The following EPHA6 variants were observed in gnomAD, a reference collection of about 807,000 sequenced individuals.
EPHA6 encodes the protein EPH receptor A6.
In EPHA6, 50 loss-of-function variants were observed where a neutral mutation model predicts 112.0. The observed-to-expected ratio is 0.45, with a 90% CI of 0.36 to 0.56. The LOEUF (loss-of-function observed/expected upper bound fraction) is 0.56. EPHA6 is among the 20% of genes least tolerant of loss of function. The pLI is 0.00. For missense variants in EPHA6, 1,280 were observed against 1,417.4 expected (o/e 0.90, Z 1.56); for synonymous variants, 529 against 490.7 (o/e 1.08, Z -1.03).
intron 2 of EPHA6, among the ~76,000 whole-genome samples, chr3:96,941,153 T>C (rs533635223): frequency 5.5e-4 from 84 of 152,356 alleles, no homozygotes; most frequent in Middle Eastern, 3.4e-3. Flanking sequence ...CCTGCCTTGC[T>C]ATATTTGGGA....
At chr3:97,393,881 C>A (rs915461641) in intron 5 of EPHA6, among the ~76,000 whole-genome samples, 2 of 151,688 alleles carry the variant, frequency 1.3e-5, no homozygotes, top group Admixed American at 1.3e-4. Context: ...TAGGTTCATG[C>A]ATGTTGTCAC....
In EPHA6 at chr3:97,716,306, C is replaced by T. The variant is rs1053980491; in HGVS notation, c.2785-3955C>T. Among the ~76,000 whole-genome samples the T allele has an allele frequency of 1.1e-4, 14 of 125,280 alleles. 2 individuals carry two copies. The highest frequency in any genetic ancestry group is 1.7e-4 in the Non-Finnish European group (11 of 66,288). 82.2% of individuals were successfully genotyped at this position (125,280 alleles called of 152,430 possible). A position where few individuals can be genotyped will look rare whatever the true frequency, so the allele number is the denominator to read the frequency against. The stretch of plus-strand genomic sequence containing the variant: ...AAGATGGGCCGGGCGCGGTGGCTCA[C>T]GCCTGTAATCCCAGCACTTTGGGAG... On this transcript the variant is annotated intron_variant, in intron 14 of 17. Coordinates refer to ENST00000389672, the MANE Select transcript of EPHA6 (RefSeq NM_001080448.3).
intron 14 of EPHA6, among the ~76,000 whole-genome samples, chr3:97,680,553 C>T (rs2031781339): frequency 6.6e-6 from 1 of 152,154 alleles, no homozygotes; most frequent in African/African-American, 2.4e-5. Flanking sequence ...AAGTGAAAAA[C>T]AGTTGAGTTT....
At chr3:97,481,526 C>A in intron 9 of EPHA6, 1 of 888,784 alleles carries the variant, frequency 1.1e-6, no homozygotes, top group South Asian at 1.3e-5. Context: ...GGGCTAAGTG[C>A]AGGCCCGGGG....
chr3:96,984,466 G>C (rs1256334309), intron 2 of EPHA6, among the ~76,000 whole-genome samples: 1 of 152,144 alleles, frequency 6.6e-6, no homozygotes. Context: ...TGCCCCTACT[G>C]GGGGGTGCCT....
chr3:97,505,317 C>A (rs915144967), intron 10 of EPHA6, among the ~76,000 whole-genome samples: 1 of 152,060 alleles, frequency 6.6e-6, no homozygotes, highest in Non-Finnish European at 1.5e-5. Context: ...TTAGGTATTT[C>A]TTCTAATGCT....
chr3:97,070,815 T>C (rs1408689959), intron 3 of EPHA6, among the ~76,000 whole-genome samples: 1 of 152,118 alleles, frequency 6.6e-6, no homozygotes, highest in African/African-American at 2.4e-5. Flanking sequence ...CAATGTGTCT[T>C]TATGTCCACA....
intron 3 of EPHA6, among the ~76,000 whole-genome samples, chr3:97,212,631 T>C (rs962685646): frequency 6.6e-6 from 1 of 152,216 alleles, no homozygotes; most frequent in Admixed American, 6.5e-5. Context: ...TTCCAAATAA[T>C]GCTGTAACCT....
chr3:97,169,869 A>G (rs569831267), intron 3 of EPHA6, among the ~76,000 whole-genome samples: 2 of 152,292 alleles, frequency 1.3e-5, no homozygotes, highest in Non-Finnish European at 2.9e-5. Context: ...GGATGTGAAC[A>G]AGGAGGCTAT....
chr3:97,511,034 T>TC (rs888579040), intron 10 of EPHA6, among the ~76,000 whole-genome samples: 1 of 151,850 alleles, frequency 6.6e-6, no homozygotes, highest in African/African-American at 2.4e-5. Flanking sequence ...TGGAAGCCCC[T>TC]CCCCCCCACC....
chr3:96,849,688 C>T (rs1186244956), intron 1 of EPHA6, among the ~76,000 whole-genome samples: 1 of 152,144 alleles, frequency 6.6e-6, no homozygotes, highest in Non-Finnish European at 1.5e-5. Flanking sequence ...TGGTTAGGAA[C>T]TTGGGCTTTA....
intron 15 of EPHA6, among the ~76,000 whole-genome samples, chr3:97,727,803 A>G (rs1460337809): frequency 6.6e-6 from 1 of 152,074 alleles, no homozygotes; most frequent in Non-Finnish European, 1.5e-5. Flanking sequence ...TTAAATACAT[A>G]CTAATTACAT....
chr3:97,330,482 C>G (rs2082730583), intron 5 of EPHA6, among the ~76,000 whole-genome samples: 1 of 152,120 alleles, frequency 6.6e-6, no homozygotes, highest in Non-Finnish European at 1.5e-5. Context: ...TTTGTATCCT[C>G]TTTTATTTCA....
At chr3:97,523,796 A>G (rs2092579738) in intron 10 of EPHA6, among the ~76,000 whole-genome samples, 1 of 152,016 alleles carries the variant, frequency 6.6e-6, no homozygotes, top group Non-Finnish European at 1.5e-5. Context: ...TTGTTATTAT[A>G]TAATGACCTG....
intron 12 of EPHA6, among the ~76,000 whole-genome samples, chr3:97,597,009 AAATATATCTTAAAC>A (rs1243132142): frequency 2.0e-5 from 3 of 150,814 alleles, no homozygotes; most frequent in African/African-American, 7.3e-5. Flanking sequence ...GACCAAACTC[AAATATATCTTAAAC>A]TAACAAGTTT....
At chr3:97,340,767 T>C (rs1011727598) in intron 5 of EPHA6, among the ~76,000 whole-genome samples, 2 of 152,210 alleles carry the variant, frequency 1.3e-5, no homozygotes, top group African/African-American at 2.4e-5. Context: ...TGTGTTAGCA[T>C]GGCAAGAGAG....
Position 96,947,533 on chromosome 3 carries a change from G to T in EPHA6, c.451-39797G>T, listed in dbSNP as rs145782233. Among the ~76,000 whole-genome samples the T allele has an allele frequency of 3.0e-3, 450 of 152,170 alleles. 4 individuals carry two copies. Among genetic ancestry groups the T allele is most frequent in the African/African-American group, 9.9e-3 (412 of 41,524 alleles). ...TCTGAGGGCTCTGTTCTGTTCCATT[G>T]GTCTATATCTCTGTTTTGGTACCAG... On this transcript the variant is annotated intron_variant, in intron 2 of 17. Coordinates refer to ENST00000389672, the MANE Select transcript of EPHA6 (RefSeq NM_001080448.3).
chr3:96,969,083 A>C (rs964123612), intron 2 of EPHA6, among the ~76,000 whole-genome samples: 10 of 151,878 alleles, frequency 6.6e-5, no homozygotes, highest in African/African-American at 2.2e-4. Flanking sequence ...GCAGTTTAAA[A>C]CAACTCTTCT....
At chr3:97,349,785 T>A (rs1210851322) in intron 5 of EPHA6, among the ~76,000 whole-genome samples, 1 of 151,820 alleles carries the variant, frequency 6.6e-6, no homozygotes, top group Non-Finnish European at 1.5e-5. Context: ...TGAGCAGGAG[T>A]TTCTGATCAT....
Sources: gnomAD v4.1 joint callset for allele counts (sites outside exome capture counted in the v4.1 genomes callset) on GRCh38, gnomAD v4.1.1 for gene constraint, MANE v1.5 for transcripts, NCBI Gene and HGNC (gene_info 2026-07-23, HGNC 2026-07-21) for gene names.